Variants in QTMAN observed in about 807,000 individuals in gnomAD.
The protein encoded by QTMAN is queuosine-tRNA mannosyltransferase, also known as tRNA-queuosine alpha-mannosyltransferase.
the QTMAN span, among the ~76,000 whole-genome samples, chr2:144,029,164 T>G: frequency 6.6e-6 from 1 of 152,278 alleles, no homozygotes; most frequent in East Asian, 1.9e-4. Context: ...AATGAATGCA[T>G]CTCTTATTAG....
At chr2:144,166,651 ATAC>A in the QTMAN span, among the ~76,000 whole-genome samples, 1 of 152,236 alleles carries the variant, frequency 6.6e-6, no homozygotes, top group Admixed American at 6.5e-5. Context: ...CCAGTAAAAT[ATAC>A]CCCACATTAT....
chr2:144,313,906 A>G, the QTMAN span, among the ~76,000 whole-genome samples: 10 of 152,004 alleles, frequency 6.6e-5, no homozygotes, highest in Non-Finnish European at 1.5e-4. Flanking sequence ...GGTACAAAAT[A>G]CAGACATCTA....
At chr2:144,140,999 G>A in the QTMAN span, among the ~76,000 whole-genome samples, 8 of 152,020 alleles carry the variant, frequency 5.3e-5, no homozygotes, top group Admixed American at 2.0e-4. Flanking sequence ...GGTGAACTCA[G>A]TAAGTGTAGA....
chr2:144,052,129 G>A, the QTMAN span, among the ~76,000 whole-genome samples: 14 of 152,124 alleles, frequency 9.2e-5, no homozygotes, highest in African/African-American at 3.1e-4. Flanking sequence ...CCCCAGTAAA[G>A]GGTTTGCTGA....
At chr2:143,993,503 T>C in the QTMAN span, among the ~76,000 whole-genome samples, 1 of 151,800 alleles carries the variant, frequency 6.6e-6, no homozygotes, top group East Asian at 1.9e-4. Flanking sequence ...TCCAATTGCA[T>C]GTATTCTTAT....
the QTMAN span, among the ~76,000 whole-genome samples, chr2:144,308,896 A>G: frequency 9.9e-5 from 15 of 152,242 alleles, no homozygotes; most frequent in Non-Finnish European, 1.5e-4. Context: ...CTAGATATAC[A>G]AAGATATAAA....
At chr2:144,277,578 T>C in the QTMAN span, among the ~76,000 whole-genome samples, 35 of 152,312 alleles carry the variant, frequency 2.3e-4, no homozygotes, top group African/African-American at 5.3e-4. Context: ...AAAATTTATA[T>C]ACTATAAGCT....
the QTMAN span, chr2:143,946,856 G>A: frequency 3.6e-6 from 2 of 559,260 alleles, no homozygotes; most frequent in East Asian, 2.9e-5. Flanking sequence ...AATTTGAGTT[G>A]GGGTGGTGGC....
At chr2:143,957,183 GA>G in the QTMAN span, 1 of 1,577,128 alleles carries the variant, frequency 6.3e-7, no homozygotes, top group East Asian at 2.3e-5. Context: ...ATCACAAACA[GA>G]AAGAACTTAC....
At chr2:144,171,380 A>T in the QTMAN span, among the ~76,000 whole-genome samples, 1 of 152,130 alleles carries the variant, frequency 6.6e-6, no homozygotes, top group African/African-American at 2.4e-5. Context: ...AAATGACCAT[A>T]TGTCTTTTGT....
the QTMAN span, among the ~76,000 whole-genome samples, chr2:144,120,717 G>T: frequency 2.0e-5 from 3 of 152,064 alleles, no homozygotes; most frequent in Admixed American, 6.6e-5. Flanking sequence ...AGAACTTCAG[G>T]AAGTATTAGG....
the QTMAN span, among the ~76,000 whole-genome samples, chr2:144,109,375 A>G: frequency 7.2e-5 from 11 of 152,338 alleles, no homozygotes; most frequent in East Asian, 1.9e-3. Context: ...CCTTCCTTAT[A>G]CCTTACACAA....
chr2:144,205,221 C>G, the QTMAN span, among the ~76,000 whole-genome samples: 1 of 152,136 alleles, frequency 6.6e-6, no homozygotes, highest in African/African-American at 2.4e-5. Flanking sequence ...ACATATCCAC[C>G]ACTAATCCAG....
At chr2:144,081,131 G>T in the QTMAN span, among the ~76,000 whole-genome samples, 1 of 152,080 alleles carries the variant, frequency 6.6e-6, no homozygotes, top group South Asian at 2.1e-4. Flanking sequence ...TATCAAGTCA[G>T]GCTTTTGTAA....
the QTMAN span, chr2:144,141,883 T>C: frequency 6.2e-7 from 1 of 1,605,798 alleles, no homozygotes; most frequent in Non-Finnish European, 8.5e-7. Flanking sequence ...CATACTGACC[T>C]GCTCACATCA....
At chr2:144,237,823 T>G in the QTMAN span, among the ~76,000 whole-genome samples, 91 of 152,270 alleles carry the variant, frequency 6.0e-4, no homozygotes, top group African/African-American at 2.0e-3. Context: ...TAAAAGATAT[T>G]ACAGCTTCTT....
At chr2:144,110,550 A>AAAAT in the QTMAN span, among the ~76,000 whole-genome samples, 6 of 152,054 alleles carry the variant, frequency 3.9e-5, no homozygotes, top group South Asian at 8.3e-4. Flanking sequence ...TAAAAAATAA[A>AAAAT]AAATAAATAA....
the QTMAN span, among the ~76,000 whole-genome samples, chr2:144,094,743 C>A: frequency 1.3e-5 from 2 of 152,248 alleles, no homozygotes; most frequent in African/African-American, 4.8e-5. Context: ...GGACACACAG[C>A]CAAACCATAT....
chr2:144,121,134 C>A, the QTMAN span, among the ~76,000 whole-genome samples: 5 of 152,146 alleles, frequency 3.3e-5, no homozygotes, highest in Admixed American at 2.0e-4. Flanking sequence ...AGACTCAGAG[C>A]CATTGAATGA....
Sources: allele counts gnomAD v4.1 joint callset (sites outside exome capture counted in the v4.1 genomes callset), GRCh38; gene constraint gnomAD v4.1.1; transcripts MANE v1.5; gene names NCBI Gene and HGNC (gene_info 2026-07-23, HGNC 2026-07-21).